GFM1: variants seen among roughly 807,000 people sequenced by gnomAD.
The protein encoded by GFM1 is G elongation factor mitochondrial 1.
GFM1 carries 62 observed loss-of-function variants against 96.2 expected under a neutral mutation model. The ratio of observed to expected loss-of-function variants is 0.64; its 90% confidence interval spans 0.53 to 0.80. The LOEUF is 0.80. GFM1 is among the 30% of genes least tolerant of loss of function. The pLI, the probability that GFM1 is intolerant of heterozygous loss-of-function variation, is 0.00. For missense variants in GFM1, 852 were observed against 916.6 expected (o/e 0.93, Z 0.91); for synonymous variants, 282 against 312.9 (o/e 0.90, Z 1.04).
chr3:158,684,624 A>G lies in GFM1; in HGVS notation c.1865A>G (p.Asn622Ser), dbSNP rs890467901. The change falls in exon 15 of 18, where the codon AAT becomes AGT. Residue 622 changes from asparagine to serine, a missense_variant. Transcript: ENST00000486715. ...QDGAHHMVDS[N>S]EISFIRAGEG... is the part of the protein sequence containing the mutation. ...GGAGCACACCACATGGTTGATTCTA[A>G]TGAAATCTCTTTCATCCGAGCAGGA... The G allele has an allele frequency of 8.7e-6, 14 of 1,613,978 alleles. No homozygotes were observed. In the African/African-American group the frequency reaches 1.5e-4, roughly 17 times the overall value.
intron 15 of GFM1, among the ~76,000 whole-genome samples, chr3:158,686,722 T>TTTG (rs1560145531): frequency 4.1e-5 from 1 of 24,176 alleles, no homozygotes; most frequent in Non-Finnish European, 8.0e-5. Flanking sequence ...TGAATTGAGG[T>TTTG]TTTTTTTTTT....
intron 9 of GFM1, 24 bp downstream of exon 9, chr3:158,659,083 T>C (rs1722992695): frequency 6.2e-7 from 1 of 1,613,932 alleles, no homozygotes; most frequent in Non-Finnish European, 8.5e-7. Flanking sequence ...CATTGTGAGA[T>C]TAGAAATTCC....
At chr3:158,673,508 CTTTTTTTT>C (rs766011688) in intron 13 of GFM1, among the ~76,000 whole-genome samples, 3 of 114,264 alleles carry the variant, frequency 2.6e-5, no homozygotes, top group African/African-American at 1.1e-4. Flanking sequence ...CTTTTCTTTT[CTTTTTTTT>C]TTTTTTTTTT....
chr3:158,646,815 C>A lies in GFM1; in HGVS notation c.440C>A (p.Ala147Asp). Residue 147 changes from alanine (A) to aspartate (D), a missense_variant, in exon 4 of 18, where the codon GCT becomes GAT. Ala to Asp is a moderately radical substitution (Grantham distance 126, BLOSUM62 -2). Transcript: ENST00000486715. ...VLDGAVLVLC[A>D]VGGVQCQTMT... is the part of the protein sequence containing the mutation. ...GATGGTGCAGTCCTTGTTCTCTGTG[C>A]TGTTGGAGGGGTACAGTGCCAGACC... 6.2e-7 allele frequency: 1 copy of A among 1,614,196 alleles called. No homozygotes were observed. The highest frequency in any genetic ancestry group is 8.5e-7 in the Non-Finnish European group (1 of 1,180,008).
chr3:158,649,782 G>A (rs1385287437), intron 5 of GFM1: 2 of 517,428 alleles, frequency 3.9e-6, no homozygotes, highest in East Asian at 2.9e-5. Context: ...CAATCCCCTG[G>A]AGACTTTGTT....
intron 10 of GFM1, among the ~76,000 whole-genome samples, chr3:158,661,766 A>G (rs1011939196): frequency 2.0e-5 from 3 of 152,200 alleles, no homozygotes; most frequent in African/African-American, 7.2e-5. Flanking sequence ...TCATTTACAT[A>G]AGTACTGACC....
At chr3:158,690,523 G>T in intron 16 of GFM1, 200 bp downstream of exon 16, 2 of 576,640 alleles carry the variant, frequency 3.5e-6, no homozygotes, top group Non-Finnish European at 6.1e-6. Flanking sequence ...GACCTTTTGT[G>T]AATGTGTCAT....
chr3:158,676,511 G>A (rs976182645), intron 13 of GFM1, among the ~76,000 whole-genome samples: 27 of 152,030 alleles, frequency 1.8e-4, no homozygotes, highest in African/African-American at 6.5e-4. Flanking sequence ...TACTGATAAA[G>A]TGAGTTGTCA....
intron 6 of GFM1, among the ~76,000 whole-genome samples, 193 bp downstream of exon 6, chr3:158,652,439 A>C (rs533254444): frequency 6.6e-6 from 1 of 152,368 alleles, no homozygotes; most frequent in South Asian, 2.1e-4. Context: ...TAATAACTTC[A>C]AATGAGAAAA....
chr3:158,663,333 C>T (rs1723339889), intron 11 of GFM1, among the ~76,000 whole-genome samples: 1 of 152,188 alleles, frequency 6.6e-6, no homozygotes, highest in South Asian at 2.1e-4. Context: ...GTTGCCTTGG[C>T]ATTCATAACA....
At position 158,691,528 on chromosome 3, in the gene GFM1, GA is replaced by G; in HGVS notation, c.*62del. The G allele has an allele frequency of 1.3e-6, 2 of 1,570,832 alleles. No individual in the cohort carries two copies. The highest frequency in any genetic ancestry group is 1.7e-6 in the Non-Finnish European group (2 of 1,144,164). Reference sequence around the variant, plus strand: ...TCTGCGTGGTTTTGATACTTTGATGGATTCCAGTGGAATAAATTCAGGCTGC... The same window carrying G: ...TCTGCGTGGTTTTGATACTTTGATGGTTCCAGTGGAATAAATTCAGGCTGC... On this transcript the variant is annotated 3_prime_UTR_variant, in exon 18 of 18. Transcript: ENST00000486715.
chr3:158,675,177 C>G (rs529254967), intron 13 of GFM1, among the ~76,000 whole-genome samples: 4 of 150,930 alleles, frequency 2.7e-5, no homozygotes, highest in African/African-American at 9.7e-5. Context: ...ATCCCAGCTA[C>G]TCGGGAGGCT....
intron 15 of GFM1, among the ~76,000 whole-genome samples, chr3:158,687,070 T>C (rs1407036139): frequency 6.6e-6 from 1 of 152,102 alleles, no homozygotes; most frequent in Non-Finnish European, 1.5e-5. Flanking sequence ...TGTTATGATC[T>C]TGACTTACTG....
At chr3:158,659,116 C>T (rs753736044) in intron 9 of GFM1, 57 bp downstream of exon 9, 1 of 1,583,390 alleles carries the variant, frequency 6.3e-7, no homozygotes, top group South Asian at 1.1e-5. Flanking sequence ...GAAATAGACC[C>T]TTCTTGGTAT....
At chr3:158,681,064 C>T (rs1725336539) in intron 13 of GFM1, among the ~76,000 whole-genome samples, 2 of 152,100 alleles carry the variant, frequency 1.3e-5, no homozygotes, top group South Asian at 4.1e-4. Flanking sequence ...GTCAGCGTTC[C>T]ACAGTTTTGG....
intron 10 of GFM1, among the ~76,000 whole-genome samples, chr3:158,662,240 CTGTT>C (rs1723254429): frequency 6.6e-6 from 1 of 152,030 alleles, no homozygotes; most frequent in African/African-American, 2.4e-5. Flanking sequence ...TGCCCTTTCT[CTGTT>C]TGCCTTATCA....
At chr3:158,680,337 G>A (rs1725269336) in intron 13 of GFM1, among the ~76,000 whole-genome samples, 1 of 152,074 alleles carries the variant, frequency 6.6e-6, no homozygotes, top group African/African-American at 2.4e-5. Flanking sequence ...TCATTTTAAT[G>A]TGACAGATGT....
Position 158,657,243 on chromosome 3 carries a change from G to T in GFM1, c.1084-1679G>T, listed in dbSNP as rs533891388. On this transcript the variant is annotated intron_variant, in intron 8 of 17. Coordinates refer to ENST00000486715, the MANE Select transcript of GFM1 (RefSeq NM_024996.7). ...ATTAAAAAGTGGAAATAACATTACAGTAAAAGTATTTACACATAAAGCTTT... is the reference window on the plus strand; with the variant it reads ...ATTAAAAAGTGGAAATAACATTACATTAAAAGTATTTACACATAAAGCTTT... The T allele has an allele frequency of 3.9e-5, 6 of 152,182 alleles. 1 individual carries two copies. Among genetic ancestry groups the T allele is most frequent in the African/African-American group, 1.2e-4 (5 of 41,534 alleles). 9.4% of individuals were successfully genotyped at this position (152,182 alleles called of 1,614,324 possible).
At chr3:158,674,216 G>A (rs145022034) in intron 13 of GFM1, among the ~76,000 whole-genome samples, 52 of 151,874 alleles carry the variant, frequency 3.4e-4, no homozygotes, top group African/African-American at 1.2e-3. Context: ...TAGTATCTGG[G>A]ACTACAGGTG....
Sources: allele counts gnomAD v4.1 joint callset (sites outside exome capture counted in the v4.1 genomes callset), GRCh38; gene constraint gnomAD v4.1.1; transcripts MANE v1.5; gene names NCBI Gene and HGNC (gene_info 2026-07-23, HGNC 2026-07-21).